The following UBAP1 variants were observed in gnomAD, a reference collection of about 807,000 sequenced individuals.
The protein encoded by UBAP1 is ubiquitin-associated protein 1.
UBAP1 carries 5 observed loss-of-function variants against 39.0 expected under a neutral mutation model. The observed-to-expected ratio is 0.13, with a 90% CI of 0.07 to 0.27. The LOEUF (loss-of-function observed/expected upper bound fraction) is 0.27. UBAP1 is among the 10% of genes least tolerant of loss of function. The probability of loss-of-function intolerance (pLI) is 1.00; values close to 1 mark genes in which losing one functional copy is unlikely to be tolerated. For synonymous variants in UBAP1, 211 were observed against 225.1 expected (o/e 0.94, Z 0.56); for missense variants, 490 against 608.1 (o/e 0.81, Z 2.04).
chr9:34,220,684 A>C (rs1832710249), intron 1 of UBAP1, among the ~76,000 whole-genome samples: 1 of 151,932 alleles, frequency 6.6e-6, no homozygotes, highest in Non-Finnish European at 1.5e-5. Context: ...GCTGGTCTCA[A>C]ATTCTTGAGC....
At chr9:34,227,898 G>A (rs1294475108) in intron 2 of UBAP1, among the ~76,000 whole-genome samples, 1 of 152,200 alleles carries the variant, frequency 6.6e-6, no homozygotes, top group Admixed American at 6.5e-5. Flanking sequence ...AGGCTGAGGT[G>A]GGAGGATTGC....
intron 1 of UBAP1, among the ~76,000 whole-genome samples, chr9:34,179,603 G>T (rs1296649545): frequency 1.3e-5 from 2 of 152,134 alleles, no homozygotes; most frequent in African/African-American, 4.8e-5. Flanking sequence ...AGTAAAGAAG[G>T]TGAGTGGTGG....
Position 34,227,166 on chromosome 9 carries a change from C to T in UBAP1, c.34+6218C>T, listed in dbSNP as rs185354728. 2.8e-4 allele frequency among the ~76,000 whole-genome samples: 43 copies of T among 152,190 alleles called. 1 individual carries two copies. In the East Asian group the frequency reaches 5.2e-3, roughly 18 times the overall value. The stretch of plus-strand genomic sequence containing the variant: ...AAAGCTGATTTTGTAGATTATATGG[C>T]TTGTTTTGTTGTTAGGATATGAGTA... On this transcript the variant is annotated intron_variant, in intron 2 of 6. Coordinates refer to ENST00000297661, the MANE Select transcript of UBAP1 (RefSeq NM_016525.5).
chr9:34,187,195 A>T (rs780063518), intron 1 of UBAP1, among the ~76,000 whole-genome samples: 3 of 152,232 alleles, frequency 2.0e-5, no homozygotes, highest in Non-Finnish European at 4.4e-5. Flanking sequence ...GGCGTGAGCC[A>T]CTGCGCCCGG....
At chr9:34,196,651 C>T (rs1241484654) in intron 1 of UBAP1, among the ~76,000 whole-genome samples, 1 of 151,794 alleles carries the variant, frequency 6.6e-6, no homozygotes, top group Non-Finnish European at 1.5e-5. Flanking sequence ...CACTATGTTG[C>T]CCTGGCTGAT....
intron 2 of UBAP1, among the ~76,000 whole-genome samples, chr9:34,229,900 C>T (rs1312035801): frequency 6.6e-6 from 1 of 151,962 alleles, no homozygotes; most frequent in Non-Finnish European, 1.5e-5. Context: ...GTCTCGAACT[C>T]CTGACCTCAG....
At position 34,224,497 on chromosome 9, in the gene UBAP1, G is replaced by A. The variant is rs1159417560; in HGVS notation, c.34+3549G>A. On this transcript the variant is annotated intron_variant, in intron 2 of 6. Transcript: ENST00000297661. ...TGTTACCTCCTCAAACATGGACTGT[G>A]TGGACGTGGCAGGGGCCAATGTTGG... is the stretch of plus-strand genomic sequence containing the variant. 1.5e-5 allele frequency: 6 copies of A among 389,940 alleles called. No homozygotes were observed. The East Asian group carries it at 2.7e-4, about 18-fold the overall frequency. 24.2% of individuals were successfully genotyped at this position (389,940 alleles called of 1,614,324 possible).
At chr9:34,237,567 A>G (rs946604206) in intron 3 of UBAP1, among the ~76,000 whole-genome samples, 2 of 152,004 alleles carry the variant, frequency 1.3e-5, no homozygotes, top group African/African-American at 2.4e-5. Flanking sequence ...TTAAAAAAAA[A>G]CTTTTTTTGG....
intron 3 of UBAP1, among the ~76,000 whole-genome samples, chr9:34,235,293 A>ATG (rs1215120476): frequency 2.2e-5 from 3 of 138,060 alleles, no homozygotes; most frequent in African/African-American, 7.8e-5. Flanking sequence ...ATTTGTGTAT[A>ATG]TGTGTATATA....
At chr9:34,234,075 A>T in intron 2 of UBAP1, 141 bp from the exon 3 acceptor site, 3 of 759,462 alleles carry the variant, frequency 4.0e-6, no homozygotes, top group East Asian at 2.9e-5. Context: ...GTCAAGGAAA[A>T]GGTAAGCAGT....
chr9:34,223,447 T>TTTTG (rs983667934), intron 2 of UBAP1, among the ~76,000 whole-genome samples: 62 of 151,932 alleles, frequency 4.1e-4, no homozygotes, highest in Middle Eastern at 3.4e-3. Flanking sequence ...CAAAGTGTTA[T>TTTTG]TTTGTTTGTT....
At chr9:34,229,644 T>A in intron 2 of UBAP1, among the ~76,000 whole-genome samples, 1 of 151,680 alleles carries the variant, frequency 6.6e-6, no homozygotes. Context: ...TTCAAGAGAT[T>A]CTCCTGCCTC....
intron 1 of UBAP1, among the ~76,000 whole-genome samples, chr9:34,205,394 C>A (rs771331172): frequency 3.3e-5 from 5 of 152,172 alleles, no homozygotes; most frequent in Non-Finnish European, 7.3e-5. Context: ...GGTAGTCTCA[C>A]AAGACTTATA....
chr9:34,196,514 G>A (rs1354466523), intron 1 of UBAP1, among the ~76,000 whole-genome samples: 5 of 151,514 alleles, frequency 3.3e-5, no homozygotes, highest in Non-Finnish European at 5.9e-5. Flanking sequence ...ATGGGGTTTC[G>A]CTGTGTTGAC....
At chr9:34,234,180 C>A (rs1833567529) in intron 2 of UBAP1, 36 bp from the exon 3 acceptor site, 1 of 1,572,386 alleles carries the variant, frequency 6.4e-7, no homozygotes, top group Non-Finnish European at 8.6e-7. Flanking sequence ...TAATGAAGTT[C>A]TTTGCTGATA....
At chr9:34,222,512 C>T (rs1832812969) in intron 2 of UBAP1, among the ~76,000 whole-genome samples, 1 of 151,966 alleles carries the variant, frequency 6.6e-6, no homozygotes, top group Non-Finnish European at 1.5e-5. Flanking sequence ...CAGATCTGGG[C>T]AGGGCACGGT....
chr9:34,236,875 GT>G (rs1833724291), intron 3 of UBAP1, among the ~76,000 whole-genome samples: 1 of 151,926 alleles, frequency 6.6e-6, no homozygotes, highest in African/African-American at 2.4e-5. Context: ...TAGACATAAG[GT>G]TATGACAAAG....
intron 1 of UBAP1, among the ~76,000 whole-genome samples, chr9:34,182,681 T>TTCTTTCTTTCTTTCTC (rs1491429494): frequency 3.5e-5 from 4 of 115,596 alleles, no homozygotes; most frequent in African/African-American, 6.7e-5. Flanking sequence ...CTTTCTTTCT[T>TTCTTTCTTTCTTTCTC]TCTCTCTCTC....
At chr9:34,186,708 C>G (rs1830425828) in intron 1 of UBAP1, among the ~76,000 whole-genome samples, 1 of 151,802 alleles carries the variant, frequency 6.6e-6, no homozygotes, top group African/African-American at 2.4e-5. Context: ...GGTCTTTTCT[C>G]TTTTTCTGAT....
Sources: gnomAD v4.1 joint callset for allele counts (sites outside exome capture counted in the v4.1 genomes callset) on GRCh38, gnomAD v4.1.1 for gene constraint, MANE v1.5 for transcripts, NCBI Gene and HGNC (gene_info 2026-07-23, HGNC 2026-07-21) for gene names.